TRMT1: variants seen among roughly 807,000 people sequenced by gnomAD.
TRMT1 encodes tRNA methyltransferase 1.
A neutral mutation model predicts 75.4 loss-of-function variants in TRMT1; 63 were observed. The observed-to-expected ratio is 0.84, with a 90% CI of 0.68 to 1.03. The LOEUF is 1.03. Among genes scored for constraint, TRMT1 ranks in the 50% least tolerant of loss-of-function variants. The probability of loss-of-function intolerance (pLI) is 0.00; values close to 1 mark genes in which losing one functional copy is unlikely to be tolerated. For synonymous variants in TRMT1, 382 were observed against 358.1 expected (o/e 1.07, Z -0.75); for missense variants, 870 against 905.3 (o/e 0.96, Z 0.50).
rs2018795166 is a variant in TRMT1 at position 13,105,131 on chromosome 19, CT to C, written c.1834-51del. ...ACCCCTGCCCGGAGCTCAGCAGCCC[CT>C]GATGGGATCCTTTCCTGGGATGGGA... On this transcript the variant is annotated intron_variant, in intron 16 of 16. Coordinates refer to ENST00000357720, the MANE Select transcript of TRMT1 (RefSeq NM_001136035.4). 6 of 1,550,028 alleles carry C rather than the reference CT, an allele frequency of 3.9e-6. No homozygotes were observed. The African/African-American group carries it at 4.1e-5, about 11-fold the overall frequency.
rs373331696 is a variant in TRMT1, at chr19:13,105,406, G to A, written c.1704-10C>T. 7 of 1,613,634 alleles carry A rather than the reference G, an allele frequency of 4.3e-6. No homozygotes were observed. The highest frequency in any genetic ancestry group is 4.2e-6 in the Non-Finnish European group (5 of 1,179,972). On this transcript the variant is annotated splice_polypyrimidine_tract_variant and intron_variant, in intron 15 of 16. Transcript: ENST00000357720. ...GTCGGCCGCCTTGCCCCTGTGCGAG[G>A]GGAGGAGTAGGTGGGACCCCATCTG...
At chr19:13,115,917 G>C (rs1362187428) in intron 3 of TRMT1, 80 bp downstream of exon 3, 16 of 1,611,696 alleles carry the variant, frequency 9.9e-6, no homozygotes, top group Non-Finnish European at 1.3e-5. Flanking sequence ...AGCCCCTCTG[G>C]ATTTGGGCGG....
In TRMT1 at chr19:13,109,962, G is replaced by C. The variant is rs757095195; in HGVS notation, c.1059C>G (p.Ala353=). ...ALVFQCVGCG[A]FHLQRLGKAS... is the part of the protein sequence containing the mutation. ...CTTTGCCGAGACGCTGAAGGTGGAAGGCCCCGCAGCCCACACACTGGAACA... is the reference window on the plus strand; with the variant it reads ...CTTTGCCGAGACGCTGAAGGTGGAACGCCCCGCAGCCCACACACTGGAACA... Residue 353 remains alanine (A), a synonymous_variant, in exon 9 of 17, where the codon GCC becomes GCG. Transcript: ENST00000357720. 7.4e-6 allele frequency: 12 copies of C among 1,613,796 alleles called. No individual in the cohort carries two copies. The highest frequency in any genetic ancestry group is 1.7e-6 in the Non-Finnish European group (2 of 1,179,938).
chr19:13,115,979 G>A lies in TRMT1; in HGVS notation c.310+18C>T. The A allele has an allele frequency of 6.2e-7, 1 of 1,613,952 alleles. No individual in the cohort carries two copies. The highest frequency in any genetic ancestry group is 8.5e-7 in the Non-Finnish European group (1 of 1,180,002). ...CTTGTGTGACCCCCGCCCACCAGAA[G>A]CCTGGACCTCCACTCACTCTGGATT... is the stretch of plus-strand genomic sequence containing the variant. On this transcript the variant is annotated intron_variant, in intron 3 of 16. Transcript: ENST00000357720.
intron 7 of TRMT1, among the ~76,000 whole-genome samples, chr19:13,112,339 A>G (rs1222015192): frequency 6.6e-6 from 1 of 152,212 alleles, no homozygotes; most frequent in Non-Finnish European, 1.5e-5. Context: ...CCCGAGGACC[A>G]GAAAGGTGAA....
At position 13,109,406 on chromosome 19, in the gene TRMT1, T is replaced by A. The variant is rs1414496116; in HGVS notation, c.1372A>T (p.Asn458Tyr). ...LDQLSSTIHCNTPSLLQLRSA... is the reference protein window; with the variant it reads ...LDQLSSTIHCYTPSLLQLRSA... ...CGCAACTGCAGGAGGCTTGGTGTGT[T>A]GCAGTGGATGGTGCTGCTCAGCTGG... is the stretch of plus-strand genomic sequence containing the variant. Residue 458 changes from asparagine to tyrosine, a missense_variant, in exon 12 of 17, where the codon AAC becomes TAC. Physicochemically the swap from Asn to Tyr is moderately radical, Grantham distance 143. Transcript: ENST00000357720. 1 of 1,613,060 alleles carries A rather than the reference T, an allele frequency of 6.2e-7. No individual in the cohort carries two copies. The highest frequency in any genetic ancestry group is 8.5e-7 in the Non-Finnish European group (1 of 1,179,988).
chr19:13,105,362 GTCTCTC>G lies in TRMT1; in HGVS notation c.1732_1737del (p.Glu578_Arg579del), dbSNP rs2018810422. 3.1e-6 allele frequency: 5 copies of G among 1,613,766 alleles called. No individual in the cohort carries two copies. Among genetic ancestry groups the G allele is most frequent in the Non-Finnish European group, 4.2e-6 (5 of 1,180,044 alleles). ...TTCCGCTTGTTCTGAAGCAGCCTGC[GTCTCTC>G]CTCCATAGCTTCGTCGGCCGCCTTG... is the stretch of plus-strand genomic sequence containing the variant. On this transcript the variant is annotated inframe_deletion, in exon 16 of 17. Transcript: ENST00000357720.
In TRMT1 at chr19:13,115,983, G is replaced by T; in HGVS notation, c.310+14C>A. On this transcript the variant is annotated intron_variant, in intron 3 of 16. Coordinates refer to ENST00000357720, the MANE Select transcript of TRMT1 (RefSeq NM_001136035.4). The stretch of plus-strand genomic sequence containing the variant: ...TGTGACCCCCGCCCACCAGAAGCCT[G>T]GACCTCCACTCACTCTGGATTCCTT... 2 of 1,613,918 alleles carry T rather than the reference G, an allele frequency of 1.2e-6. No homozygotes were observed. Among genetic ancestry groups the T allele is most frequent in the Non-Finnish European group, 1.7e-6 (2 of 1,179,984 alleles).
At chr19:13,111,964 G>C (rs1402837703) in intron 7 of TRMT1, among the ~76,000 whole-genome samples, 1 of 151,762 alleles carries the variant, frequency 6.6e-6, no homozygotes, top group Non-Finnish European at 1.5e-5. Flanking sequence ...TTCCCAAAGT[G>C]CTGGGATTAC....
chr19:13,106,915 C>T (rs1252534730), intron 14 of TRMT1, among the ~76,000 whole-genome samples: 3 of 149,654 alleles, frequency 2.0e-5, no homozygotes, highest in Non-Finnish European at 1.5e-5. Context: ...CTCTGCCCCC[C>T]GGGGTTCACG....
At chr19:13,115,877 A>G (rs2019327264) in intron 3 of TRMT1, 109 bp from the exon 4 acceptor site, 2 of 1,605,244 alleles carry the variant, frequency 1.2e-6, no homozygotes, top group Admixed American at 1.7e-5. Flanking sequence ...AGGCTGAAGG[A>G]GCAGAACCCA....
Position 13,109,430 on chromosome 19 carries a change from G to T in TRMT1, c.1348C>A (p.Gln450Lys). 6.2e-7 allele frequency: 1 copy of T among 1,613,546 alleles called. No individual in the cohort carries two copies. Among genetic ancestry groups the T allele is most frequent in the Non-Finnish European group, 8.5e-7 (1 of 1,179,996 alleles). Residue 450 changes from glutamine (Q) to lysine (K), a missense_variant, in exon 12 of 17, where the codon CAG becomes AAG. Physicochemically the swap from Gln to Lys is moderately conservative, Grantham distance 53. Coordinates refer to ENST00000357720, the MANE Select transcript of TRMT1 (RefSeq NM_001136035.4). ...PDVPLYYTLD[Q>K]LSSTIHCNTP... is the part of the protein sequence containing the mutation. ...TTGCAGTGGATGGTGCTGCTCAGCTGGTCCAGGGTGTAGTACAGAGGCACG... is the reference window on the plus strand; with the variant it reads ...TTGCAGTGGATGGTGCTGCTCAGCTTGTCCAGGGTGTAGTACAGAGGCACG...
At position 13,109,377 on chromosome 19, in the gene TRMT1, T is replaced by G. The variant is rs1460265593; in HGVS notation, c.1397+4A>C. The G allele has an allele frequency of 1.2e-6, 2 of 1,612,454 alleles. No homozygotes were observed. The highest frequency in any genetic ancestry group is 2.2e-5 in the South Asian group (2 of 91,002). On this transcript the variant is annotated splice_donor_region_variant and intron_variant, in intron 12 of 16. Transcript: ENST00000357720. ...AGGCTCCTCCCGACCCCAGGGGCTC[T>G]TACCGCAACTGCAGGAGGCTTGGTG... is the stretch of plus-strand genomic sequence containing the variant.
At chr19:13,108,846 G>A (rs771269122) in intron 12 of TRMT1, among the ~76,000 whole-genome samples, 1 of 151,482 alleles carries the variant, frequency 6.6e-6, no homozygotes, top group Non-Finnish European at 1.5e-5. Context: ...CTGACCTCAA[G>A]TGATCTGCCC....
intron 14 of TRMT1, 128 bp downstream of exon 14, chr19:13,107,443 TCAG>T: frequency 1.7e-6 from 2 of 1,146,334 alleles, no homozygotes; most frequent in Admixed American, 2.1e-5. Context: ...CCAGCCCCAG[TCAG>T]CAGATTTTGA....
intron 12 of TRMT1, 120 bp downstream of exon 12, chr19:13,109,261 T>G: frequency 1.8e-5 from 21 of 1,171,110 alleles, no homozygotes; most frequent in Non-Finnish European, 2.5e-5. Context: ...ATTACAGGAA[T>G]GAGACAGTGC....
chr19:13,108,444 T>G (rs1277217529), intron 12 of TRMT1, among the ~76,000 whole-genome samples: 2 of 151,746 alleles, frequency 1.3e-5, no homozygotes, highest in Non-Finnish European at 2.9e-5. Context: ...GGATGTGCCA[T>G]GACGCCTGGC....
chr19:13,109,156 ATATT>A (rs1293781694), intron 12 of TRMT1, among the ~76,000 whole-genome samples: 6 of 151,000 alleles, frequency 4.0e-5, no homozygotes, highest in African/African-American at 1.2e-4. Context: ...GTGTACATAT[ATATT>A]TATTTATTTA....
Position 13,115,713 on chromosome 19 carries a change from T to C in TRMT1, c.366A>G (p.Gln122=). 6.2e-7 allele frequency: 1 copy of C among 1,614,120 alleles called. No individual in the cohort carries two copies. The highest frequency in any genetic ancestry group is 2.2e-5 in the East Asian group (1 of 44,876). Residue 122 remains glutamine, a synonymous_variant, in exon 4 of 17, where the codon CAA becomes CAG. Coordinates refer to ENST00000357720, the MANE Select transcript of TRMT1 (RefSeq NM_001136035.4). ...TQKVVVDLSE[Q]EEEKVELKES... is the part of the protein sequence containing the mutation. ...CTTTCAGTTCAACCTTTTCCTCCTC[T>C]TGCTCTGACAAGTCCACGACCACTT...
Sources: gnomAD v4.1 joint callset for allele counts (sites outside exome capture counted in the v4.1 genomes callset) on GRCh38, gnomAD v4.1.1 for gene constraint, MANE v1.5 for transcripts, NCBI Gene and HGNC (gene_info 2026-07-23, HGNC 2026-07-21) for gene names.